The following VAV2 variants were observed in gnomAD, a reference collection of about 807,000 sequenced individuals.
VAV2 encodes the protein vav guanine nucleotide exchange factor 2, also known as guanine nucleotide exchange factor VAV2.
A neutral mutation model predicts 132.5 loss-of-function variants in VAV2; 67 were observed. The ratio of observed to expected loss-of-function variants is 0.51; its 90% CI spans 0.42 to 0.62. VAV2 has a LOEUF of 0.62. Among genes scored for constraint, VAV2 ranks in the 20% least tolerant of loss-of-function variants. The pLI is 0.00. For missense variants in VAV2, 938 were observed against 1,153.6 expected (o/e 0.81, Z 2.71); for synonymous variants, 492 against 443.5 (o/e 1.11, Z -1.37).
At chr9:133,944,936 G>A (rs927135122) in intron 1 of VAV2, among the ~76,000 whole-genome samples, 19 of 152,300 alleles carry the variant, frequency 1.2e-4, no homozygotes, top group African/African-American at 3.8e-4. Context: ...AGGCCCTTCC[G>A]GCCAAGACTG....
chr9:133,929,461 C>G (rs913309865), intron 2 of VAV2, among the ~76,000 whole-genome samples: 6 of 152,084 alleles, frequency 3.9e-5, no homozygotes, highest in African/African-American at 1.4e-4. Flanking sequence ...ATTCGAGGTG[C>G]CTGCCCTGGC....
At chr9:133,925,793 G>A (rs879498929) in intron 2 of VAV2, 1 of 152,082 alleles carries the variant, frequency 6.6e-6, no homozygotes, top group Non-Finnish European at 1.5e-5. Flanking sequence ...CCTGGAGAAA[G>A]GTCTTCCAGG....
At chr9:133,878,855 C>A (rs577622754) in intron 2 of VAV2, among the ~76,000 whole-genome samples, 4 of 152,344 alleles carry the variant, frequency 2.6e-5, no homozygotes, top group Admixed American at 2.0e-4. Flanking sequence ...GGAGTGGAAG[C>A]GCCCTCGGCC....
At chr9:133,936,387 C>T (rs972012820) in intron 2 of VAV2, among the ~76,000 whole-genome samples, 6 of 152,136 alleles carry the variant, frequency 3.9e-5, no homozygotes, top group East Asian at 3.9e-4. Flanking sequence ...GGATTACATA[C>T]GCCCACCAGC....
chr9:133,796,733 T>C (rs539952489), intron 10 of VAV2, among the ~76,000 whole-genome samples: 2 of 152,254 alleles, frequency 1.3e-5, no homozygotes, highest in African/African-American at 4.8e-5. Context: ...CACCCTGCCG[T>C]GTCTGCACTG....
chr9:133,982,265 ACGGC>A (rs113285280), intron 1 of VAV2, among the ~76,000 whole-genome samples: 29,532 of 152,042 alleles, frequency 0.19, 3,427 homozygotes, highest in African/African-American at 0.33. Flanking sequence ...GGCAGGGGCG[ACGGC>A]CGGCCGGCAG....
At chr9:133,949,729 C>G (rs2132174250) in intron 1 of VAV2, among the ~76,000 whole-genome samples, 1 of 152,356 alleles carries the variant, frequency 6.6e-6, no homozygotes, top group Non-Finnish European at 1.5e-5. Context: ...TACCAGAGCT[C>G]AGACCCCAAA....
intron 2 of VAV2, among the ~76,000 whole-genome samples, chr9:133,909,561 C>T (rs796194282): frequency 7.2e-5 from 11 of 152,218 alleles, no homozygotes; most frequent in African/African-American, 2.4e-4. Flanking sequence ...TGCAGGTTCG[C>T]GAGGATGGAA....
rs1194211400 is a variant in VAV2 at position 133,863,966 on chromosome 9, C to T, written c.322-2534G>A. On this transcript the variant is annotated intron_variant, in intron 2 of 29. Transcript: ENST00000371850. This position sits in a 1 kb window ranked among gnomAD's most constrained non-coding sequence, Gnocchi z 5.0. ...GATGCCCTACAGTAGCTCCCCAGGG[C>T]ACCTCTGGCTGTGCCCACCCCACTC... 1.3e-5 allele frequency among the ~76,000 whole-genome samples: 2 copies of T among 152,168 alleles called. No homozygotes were observed. The highest frequency in any genetic ancestry group is 2.9e-5 in the Non-Finnish European group (2 of 68,016).
rs377399859 is a variant in VAV2 at position 133,875,605 on chromosome 9, G to A, written c.322-14173C>T. Reference sequence around the variant, plus strand: ...CAGACTGCCCGGCACTGCAGCGCACGGCAGGACTGACCCTGCCAGTCCCTT... The same window carrying A: ...CAGACTGCCCGGCACTGCAGCGCACAGCAGGACTGACCCTGCCAGTCCCTT... On this transcript the variant is annotated intron_variant, in intron 2 of 29. Transcript: ENST00000371850. 1.6e-4 allele frequency among the ~76,000 whole-genome samples: 25 copies of A among 152,348 alleles called. No homozygotes were observed. The East Asian group carries it at 1.7e-3, about 11-fold the overall frequency.
At chr9:133,792,217 T>G (rs796341446) in intron 12 of VAV2, among the ~76,000 whole-genome samples, 2 of 71,932 alleles carry the variant, frequency 2.8e-5, no homozygotes, top group South Asian at 5.5e-4. Flanking sequence ...TGTGAGCTGG[T>G]TGTGCTGGTT....
rs1478247175 is a variant in VAV2 at position 133,768,437 on chromosome 9, C to T, written c.2589+5G>A. On this transcript the variant is annotated splice_donor_5th_base_variant and intron_variant, in intron 29 of 29. Coordinates refer to ENST00000371850, the MANE Select transcript of VAV2 (RefSeq NM_001134398.2). The surrounding 1 kb of genome is among the most constrained non-coding windows in gnomAD (Gnocchi z 5.3). ...GCCCCACACCCTCAGGGTGGGGCCACTCACCCGTCCGTTGGTCTCGCCCTT... is the reference window on the plus strand; with the variant it reads ...GCCCCACACCCTCAGGGTGGGGCCATTCACCCGTCCGTTGGTCTCGCCCTT... 1 of 1,612,068 alleles carries T rather than the reference C, an allele frequency of 6.2e-7. No homozygotes were observed. Among genetic ancestry groups the T allele is most frequent in the Non-Finnish European group, 8.5e-7 (1 of 1,179,710 alleles).
intron 9 of VAV2, among the ~76,000 whole-genome samples, chr9:133,800,687 C>T (rs534930148): frequency 2.1e-4 from 32 of 152,314 alleles, no homozygotes; most frequent in African/African-American, 6.7e-4. Flanking sequence ...GCCAAACCAG[C>T]TTTGTGAGCT....
intron 2 of VAV2, among the ~76,000 whole-genome samples, chr9:133,886,538 G>A (rs1838716370): frequency 1.3e-5 from 2 of 152,218 alleles, no homozygotes; most frequent in Non-Finnish European, 2.9e-5. Flanking sequence ...ACCTGAGCCT[G>A]GGCCCCGTGT....
chr9:133,868,360 T>G (rs7859624), intron 2 of VAV2, among the ~76,000 whole-genome samples: 38,082 of 152,208 alleles, frequency 0.25, 7,068 homozygotes, highest in African/African-American at 0.53. Flanking sequence ...GCTCTGCGAA[T>G]GGGGAAGAGC....
intron 2 of VAV2, among the ~76,000 whole-genome samples, chr9:133,896,652 C>T (rs1483222903): frequency 6.6e-6 from 1 of 152,172 alleles, no homozygotes; most frequent in Admixed American, 6.5e-5. Context: ...CCGAGCGCCA[C>T]TTCATTCACA....
intron 2 of VAV2, among the ~76,000 whole-genome samples, chr9:133,864,737 G>A (rs755084993): frequency 4.6e-5 from 7 of 152,234 alleles, no homozygotes; most frequent in Admixed American, 1.3e-4. Flanking sequence ...GACGGGTAAC[G>A]CCACAGACTG....
intron 29 of VAV2, 79 bp from the exon 30 acceptor site, chr9:133,764,188 G>C: frequency 6.3e-7 from 1 of 1,578,818 alleles, no homozygotes; most frequent in Non-Finnish European, 8.7e-7. Flanking sequence ...GTTGGGGTGA[G>C]GGCAAGTAGA....
At chr9:133,783,396 C>T (rs535832672) in intron 19 of VAV2, 107 bp downstream of exon 19, 42 of 1,083,114 alleles carry the variant, frequency 3.9e-5, no homozygotes, top group Non-Finnish European at 5.6e-5. Flanking sequence ...CTCATCTGGT[C>T]GCTGCCCCGT....
Sources: gnomAD v4.1 joint callset for allele counts (sites outside exome capture counted in the v4.1 genomes callset) on GRCh38, gnomAD v4.1.1 for gene constraint, Gnocchi (gnomAD v3.1) non-coding constraint, MANE v1.5 for transcripts, NCBI Gene and HGNC (gene_info 2026-07-23, HGNC 2026-07-21) for gene names.